The following PTPRD variants were observed in gnomAD, a reference collection of about 807,000 sequenced individuals.
PTPRD encodes the protein receptor-type tyrosine-protein phosphatase delta.
Under a neutral mutation model 214.5 loss-of-function variants are expected in PTPRD, and 34 were observed. That is an observed-to-expected ratio of 0.16 (90% confidence interval 0.12 to 0.21). PTPRD has a LOEUF of 0.21. Ranked by LOEUF, PTPRD falls within the 10% of genes least tolerant of loss-of-function variation. PTPRD has a pLI of 1.00. For synonymous variants in PTPRD, 1,128 were observed against 845.7 expected (o/e 1.33, Z -5.79); for missense variants, 2,545 against 2,398.7 (o/e 1.06, Z -1.27).
intron 10 of PTPRD, among the ~76,000 whole-genome samples, chr9:9,114,394 G>T (rs868062437): frequency 2.0e-5 from 3 of 152,128 alleles, no homozygotes; most frequent in Non-Finnish European, 4.4e-5. Context: ...CTTACACTCG[G>T]AAAATCCTAT....
chr9:8,541,063 T>G (rs1185071392), intron 14 of PTPRD, among the ~76,000 whole-genome samples: 1 of 152,110 alleles, frequency 6.6e-6, no homozygotes, highest in Non-Finnish European at 1.5e-5. Flanking sequence ...ACTGAAAAAA[T>G]GAAAACTACA....
intron 9 of PTPRD, among the ~76,000 whole-genome samples, chr9:9,284,646 C>A: frequency 6.6e-6 from 1 of 151,642 alleles, no homozygotes; most frequent in Non-Finnish European, 1.5e-5. Context: ...AATCATTCCT[C>A]ACGAAGATAT....
At chr9:8,632,907 A>C (rs955732388) in intron 14 of PTPRD, among the ~76,000 whole-genome samples, 1 of 152,012 alleles carries the variant, frequency 6.6e-6, no homozygotes, top group Non-Finnish European at 1.5e-5. Flanking sequence ...CTTTAGGCTA[A>C]GGTTCTTTCT....
intron 11 of PTPRD, among the ~76,000 whole-genome samples, chr9:8,893,834 G>A (rs7850165): frequency 0.13 from 20,190 of 152,016 alleles, 1,444 homozygotes; most frequent in East Asian, 0.25. Context: ...GTTGAGGGAA[G>A]AAAAGCTCGC....
At position 8,439,183 on chromosome 9, in the gene PTPRD, C is replaced by T. The variant is rs550995594; in HGVS notation, c.3989-2494G>A. 2.6e-4 allele frequency among the ~76,000 whole-genome samples: 40 copies of T among 152,270 alleles called. 1 individual carries two copies. Among genetic ancestry groups the T allele is most frequent in the Admixed American group, 9.2e-4 (14 of 15,300 alleles). ...GAGAATCTGTGTGAATCCAATGGTA[C>T]AGGAGAAAGAACCCTGGCTTAGAAT... is the stretch of plus-strand genomic sequence containing the variant. On this transcript the variant is annotated intron_variant, in intron 34 of 45. Transcript: ENST00000381196.
intron 7 of PTPRD, among the ~76,000 whole-genome samples, chr9:9,603,241 T>G (rs2093910345): frequency 6.6e-6 from 1 of 152,142 alleles, no homozygotes; most frequent in South Asian, 2.1e-4. Context: ...TTGTCCATAC[T>G]AGACAGGAAT....
intron 5 of PTPRD, among the ~76,000 whole-genome samples, chr9:9,795,888 G>A (rs10977983): frequency 1.3e-5 from 2 of 151,642 alleles, no homozygotes; most frequent in Admixed American, 6.6e-5. Flanking sequence ...AAATATACTA[G>A]AAAAAATAAA....
At chr9:8,554,408 G>C (rs937877148) in intron 14 of PTPRD, among the ~76,000 whole-genome samples, 2 of 152,064 alleles carry the variant, frequency 1.3e-5, no homozygotes, top group Admixed American at 1.3e-4. Context: ...GTAAAAAGTA[G>C]GGAAAAAGTC....
intron 26 of PTPRD, among the ~76,000 whole-genome samples, chr9:8,495,510 C>G (rs1429533541): frequency 6.6e-6 from 1 of 152,148 alleles, no homozygotes; most frequent in African/African-American, 2.4e-5. Flanking sequence ...GGATTTTAAA[C>G]TGCAGGTAAT....
intron 21 of PTPRD, among the ~76,000 whole-genome samples, chr9:8,516,798 C>CTTTTTTTTTTTT (rs71500960): frequency 9.3e-6 from 1 of 107,938 alleles, no homozygotes; most frequent in Non-Finnish European, 1.8e-5. Flanking sequence ...CAAGAATAAA[C>CTTTTTTTTTTTT]TTTTTTTTTT....
rs375377908 is a variant in PTPRD, at chr9:9,708,814, G to A, written c.-287+25719C>T. Reference sequence around the variant, plus strand: ...TTCAGAATGCCATTGCAAGAAAAACGTGGTGTGTTTTCTATATTTTTGTTT... The same window carrying A: ...TTCAGAATGCCATTGCAAGAAAAACATGGTGTGTTTTCTATATTTTTGTTT... On this transcript the variant is annotated intron_variant, in intron 7 of 45. Transcript: ENST00000381196. 1.1e-3 allele frequency among the ~76,000 whole-genome samples: 174 copies of A among 152,054 alleles called. 2 individuals are homozygous for A. Among genetic ancestry groups the A allele is most frequent in the African/African-American group, 4.0e-3 (166 of 41,528 alleles).
chr9:9,306,196 G>T (rs1469901771), intron 9 of PTPRD, among the ~76,000 whole-genome samples: 1 of 152,056 alleles, frequency 6.6e-6, no homozygotes, highest in Non-Finnish European at 1.5e-5. Flanking sequence ...CTATCTGGCA[G>T]AAACTCTTGA....
intron 8 of PTPRD, among the ~76,000 whole-genome samples, chr9:9,495,497 C>A (rs924378351): frequency 3.3e-5 from 5 of 152,078 alleles, no homozygotes; most frequent in African/African-American, 1.2e-4. Context: ...TGCCCCTATC[C>A]TGTGCCTATA....
chr9:8,659,128 G>T (rs2096977372), intron 12 of PTPRD, among the ~76,000 whole-genome samples: 1 of 152,082 alleles, frequency 6.6e-6, no homozygotes, highest in African/African-American at 2.4e-5. Flanking sequence ...CTTTGAAGCA[G>T]AACATTTCTG....
intron 10 of PTPRD, among the ~76,000 whole-genome samples, chr9:9,043,269 C>T (rs901462695): frequency 6.6e-6 from 1 of 152,134 alleles, no homozygotes; most frequent in African/African-American, 2.4e-5. Flanking sequence ...TGATTAACAT[C>T]TTGTCTTATA....
intron 11 of PTPRD, among the ~76,000 whole-genome samples, chr9:8,919,958 A>G (rs886701532): frequency 6.9e-6 from 1 of 145,116 alleles, no homozygotes; most frequent in South Asian, 2.2e-4. Flanking sequence ...ATGTATGTAT[A>G]CGTGTGTATG....
At chr9:8,655,836 C>G (rs2096898796) in intron 12 of PTPRD, among the ~76,000 whole-genome samples, 1 of 151,492 alleles carries the variant, frequency 6.6e-6, no homozygotes, top group Admixed American at 6.6e-5. Context: ...CTGGTCTTTC[C>G]AAACTCACCC....
intron 8 of PTPRD, among the ~76,000 whole-genome samples, chr9:9,495,601 G>A (rs889463142): frequency 1.3e-5 from 2 of 152,010 alleles, no homozygotes; most frequent in Non-Finnish European, 2.9e-5. Context: ...GGGAAGAGAC[G>A]ACCTGACTTA....
chr9:9,211,975 T>C (rs2099949070), intron 9 of PTPRD, among the ~76,000 whole-genome samples: 1 of 152,160 alleles, frequency 6.6e-6, no homozygotes, highest in Admixed American at 6.5e-5. Flanking sequence ...TCCCCAAGTT[T>C]AATGAACATA....
Sources: gnomAD v4.1 joint callset for allele counts (sites outside exome capture counted in the v4.1 genomes callset) on GRCh38, gnomAD v4.1.1 for gene constraint, MANE v1.5 for transcripts, NCBI Gene and HGNC (gene_info 2026-07-23, HGNC 2026-07-21) for gene names.